Variants in LRRC7 observed in about 807,000 individuals in gnomAD.
The protein encoded by LRRC7 is leucine rich repeat containing 7.
A neutral mutation model predicts 175.7 loss-of-function variants in LRRC7; 23 were observed. The ratio of observed to expected loss-of-function variants is 0.13; its 90% CI spans 0.09 to 0.19. The LOEUF (loss-of-function observed/expected upper bound fraction) is 0.19. Among genes scored for constraint, LRRC7 ranks in the 10% least tolerant of loss-of-function variants. The pLI, the probability that LRRC7 is intolerant of heterozygous loss-of-function variation, is 1.00. For synonymous variants in LRRC7, 685 were observed against 680.9 expected, an observed-to-expected ratio of 1.01 and a Z score of -0.09; for missense variants, 1,354 against 1,904.7, an observed-to-expected ratio of 0.71 and a Z score of 5.38.
chr1:69,841,139 C>T (rs569622659), intron 7 of LRRC7, among the ~76,000 whole-genome samples: 1 of 152,142 alleles, frequency 6.6e-6, no homozygotes, highest in South Asian at 2.1e-4. Context: ...TCAAATCTCA[C>T]TCAAATGGTG....
At chr1:69,708,545 A>T (rs1299672435) in intron 2 of LRRC7, among the ~76,000 whole-genome samples, 1 of 152,188 alleles carries the variant, frequency 6.6e-6, no homozygotes, top group African/African-American at 2.4e-5. Flanking sequence ...TCAGTTAGTT[A>T]TTAGTGTAAT....
At chr1:69,819,409 T>C (rs1678970521) in intron 4 of LRRC7, among the ~76,000 whole-genome samples, 2 of 152,128 alleles carry the variant, frequency 1.3e-5, no homozygotes, top group Non-Finnish European at 1.5e-5. Flanking sequence ...TTTATATATA[T>C]CATTGCTGTT....
At chr1:69,934,505 CG>C (rs796318018) in intron 8 of LRRC7, among the ~76,000 whole-genome samples, 6 of 29,016 alleles carry the variant, frequency 2.1e-4, no homozygotes, top group South Asian at 1.5e-3. Context: ...GGGGGGGGGG[CG>C]GGGGGTGGGG....
Position 70,131,654 on chromosome 1 carries a change from A to G in LRRC7, c.*9767A>G, listed in dbSNP as rs1285616668. ...TCTTCTCATAAAATTTTTGATTTAG[A>G]AAGATTTAGATAAAGTCATAGTATA... On this transcript the variant is annotated 3_prime_UTR_variant, in exon 27 of 27. Coordinates refer to ENST00000651989, the MANE Select transcript of LRRC7 (RefSeq NM_001370785.2). Among the ~76,000 whole-genome samples, 1 of 152,172 alleles carries G rather than the reference A, an allele frequency of 6.6e-6. No individual in the cohort carries two copies. The highest frequency in any genetic ancestry group is 1.5e-5 in the Non-Finnish European group (1 of 68,032).
chr1:69,687,600 GGT>G (rs1003724267), intron 2 of LRRC7, among the ~76,000 whole-genome samples: 29 of 149,996 alleles, frequency 1.9e-4, no homozygotes, highest in African/African-American at 6.9e-4. Context: ...TATTTATGAT[GGT>G]GTAATATTTT....
At chr1:69,618,700 G>C (rs1650074068) in intron 1 of LRRC7, among the ~76,000 whole-genome samples, 1 of 152,146 alleles carries the variant, frequency 6.6e-6, no homozygotes, top group African/African-American at 2.4e-5. Flanking sequence ...AACTCTTTCT[G>C]GTAATATTCT....
intron 2 of LRRC7, among the ~76,000 whole-genome samples, chr1:69,743,349 AGAT>A (rs761552090): frequency 6.6e-6 from 1 of 152,170 alleles, no homozygotes; most frequent in Non-Finnish European, 1.5e-5. Flanking sequence ...ACTGTCTTAA[AGAT>A]GATGATTGAT....
At chr1:70,112,800 AAGG>A (rs199605184) in intron 26 of LRRC7, among the ~76,000 whole-genome samples, 4 of 151,948 alleles carry the variant, frequency 2.6e-5, no homozygotes, top group South Asian at 4.2e-4. Flanking sequence ...ACAGAAAGAA[AAGG>A]AGGAGGAGGA....
chr1:69,585,212 G>A (rs1646358820), intron 1 of LRRC7, among the ~76,000 whole-genome samples: 1 of 151,538 alleles, frequency 6.6e-6, no homozygotes, highest in East Asian at 1.9e-4. Context: ...TATTATTTGA[G>A]GAACTCATCT....
At chr1:69,800,843 C>T (rs577660045) in intron 4 of LRRC7, among the ~76,000 whole-genome samples, 2 of 151,846 alleles carry the variant, frequency 1.3e-5, no homozygotes, top group East Asian at 1.9e-4. Context: ...CAGCTACTCC[C>T]AATTCATTGT....
intron 7 of LRRC7, among the ~76,000 whole-genome samples, chr1:69,850,129 T>C (rs1682813524): frequency 6.6e-6 from 1 of 151,846 alleles, no homozygotes; most frequent in Non-Finnish European, 1.5e-5. Context: ...TATGAACAGG[T>C]CCGGTTTGCA....
intron 1 of LRRC7, among the ~76,000 whole-genome samples, chr1:69,636,433 A>G (rs1653375149): frequency 1.3e-5 from 2 of 151,800 alleles, no homozygotes; most frequent in African/African-American, 4.8e-5. Context: ...AGACACACAC[A>G]CACACACACA....
chr1:69,639,994 G>C (rs1653965465), intron 1 of LRRC7, among the ~76,000 whole-genome samples: 1 of 151,674 alleles, frequency 6.6e-6, no homozygotes, highest in East Asian at 1.9e-4. Context: ...GTTGGCATTA[G>C]GTGCAAGATA....
intron 7 of LRRC7, among the ~76,000 whole-genome samples, chr1:69,841,760 T>A (rs1681758367): frequency 6.6e-6 from 1 of 151,882 alleles, no homozygotes; most frequent in Admixed American, 6.6e-5. Flanking sequence ...GCCTTAAACA[T>A]GGTAGACATT....
intron 11 of LRRC7, among the ~76,000 whole-genome samples, chr1:70,008,610 C>G (rs372754150): frequency 3.3e-4 from 51 of 152,294 alleles, no homozygotes; most frequent in African/African-American, 1.2e-3. Context: ...GTTGAAATAA[C>G]TCCTTGGTCT....
chr1:69,951,799 G>A (rs1854221), intron 8 of LRRC7, among the ~76,000 whole-genome samples: 6,161 of 152,084 alleles, frequency 0.041, 157 homozygotes, highest in South Asian at 0.1. Context: ...AGGATGGAGG[G>A]TGGGAGAAGG....
chr1:69,602,554 T>C (rs1180607620), intron 1 of LRRC7, among the ~76,000 whole-genome samples: 1 of 150,528 alleles, frequency 6.6e-6, no homozygotes, highest in African/African-American at 2.5e-5. Flanking sequence ...TTCTATGCTA[T>C]CATGGTATTT....
chr1:69,574,701 A>C (rs1408751901), intron 1 of LRRC7, among the ~76,000 whole-genome samples: 1 of 152,190 alleles, frequency 6.6e-6, no homozygotes, highest in Non-Finnish European at 1.5e-5. Context: ...AAAAGTATTC[A>C]TCATTGCAGT....
In LRRC7 at chr1:69,600,881, G is replaced by A. The variant is rs189453944; in HGVS notation, c.2+32240G>A. ...GGCTGGAGTGCAATCGCACGCTCTC[G>A]GCTCACTCCAACCTCTGCCTCCCGG... On this transcript the variant is annotated intron_variant, in intron 1 of 26. Transcript: ENST00000651989. Among the ~76,000 whole-genome samples, 217 of 131,094 alleles carry A rather than the reference G, an allele frequency of 1.7e-3. 1 individual carries two copies. The highest frequency in any genetic ancestry group is 5.7e-3 in the African/African-American group (192 of 33,824). 86.0% of individuals were successfully genotyped at this position (131,094 alleles called of 152,430 possible).
Sources: gnomAD v4.1 joint callset for allele counts (sites outside exome capture counted in the v4.1 genomes callset) on GRCh38, gnomAD v4.1.1 for gene constraint, MANE v1.5 for transcripts, NCBI Gene and HGNC (gene_info 2026-07-23, HGNC 2026-07-21) for gene names.